The following IQCH variants were observed in gnomAD, a reference collection of about 807,000 sequenced individuals.
The protein encoded by IQCH is IQ domain-containing protein H.
In IQCH, 98 loss-of-function variants were observed where a neutral mutation model predicts 117.0. The ratio of observed to expected loss-of-function variants is 0.84; its 90% CI spans 0.71 to 0.99. The LOEUF (loss-of-function observed/expected upper bound fraction) is 0.99, where lower values mean the gene tolerates loss of function less well. Among genes scored for constraint, IQCH ranks in the 50% least tolerant of loss-of-function variants. IQCH has a pLI of 0.00. For synonymous variants in IQCH, 412 were observed against 448.2 expected (o/e 0.92, Z 1.02); for missense variants, 1,102 against 1,243.8 (o/e 0.89, Z 1.72).
At chr15:67,297,004 G>A (rs1966856255) in intron 4 of IQCH, among the ~76,000 whole-genome samples, 1 of 152,104 alleles carries the variant, frequency 6.6e-6, no homozygotes, top group Admixed American at 6.6e-5. Flanking sequence ...TGAGAAAACG[G>A]ATTGGCCACA....
At chr15:67,302,218 A>T (rs1302901550) in intron 4 of IQCH, among the ~76,000 whole-genome samples, 2 of 152,234 alleles carry the variant, frequency 1.3e-5, no homozygotes, top group African/African-American at 4.8e-5. Context: ...CACACATTTT[A>T]AAAACACCCT....
At chr15:67,371,536 GATAACAT>G (rs766475676) in intron 8 of IQCH, 1 of 1,519,670 alleles carries the variant, frequency 6.6e-7, no homozygotes, top group Non-Finnish European at 9.1e-7. Flanking sequence ...TGACAAAGGT[GATAACAT>G]ATAACATAAT....
chr15:67,372,853 C>G (rs544582518), intron 9 of IQCH, among the ~76,000 whole-genome samples, 191 bp downstream of exon 9: 1 of 152,008 alleles, frequency 6.6e-6, no homozygotes, highest in African/African-American at 2.4e-5. Flanking sequence ...CATAGTTTAG[C>G]CCTAATCAAG....
intron 4 of IQCH, among the ~76,000 whole-genome samples, chr15:67,292,072 A>G (rs1444095653): frequency 1.3e-5 from 2 of 152,064 alleles, no homozygotes; most frequent in African/African-American, 2.4e-5. Flanking sequence ...TAGTGCTCTT[A>G]TAAAAGAGGC....
chr15:67,359,875 A>T lies in IQCH; in HGVS notation c.743A>T (p.His248Leu), dbSNP rs531820211. 4 of 1,613,118 alleles carry T rather than the reference A, an allele frequency of 2.5e-6. No homozygotes were observed. The highest frequency in any genetic ancestry group is 2.5e-6 in the Non-Finnish European group (3 of 1,179,102). Residue 248 changes from histidine (H) to leucine (L), a missense_variant, in exon 8 of 21, where the codon CAT becomes CTT. This residue lies in a region of IQCH where 452 missense variants were observed against 449.6 expected (regional missense o/e 1.01). Coordinates refer to ENST00000335894, the MANE Select transcript of IQCH (RefSeq NM_001031715.3). The surrounding 1 kb of genome is among the most constrained non-coding windows in gnomAD (Gnocchi z 4.5). ...AAAAGCAGAAGGTCAAGAGGACATC[A>T]TGATAGGAAGGTCTGTAATTTGTGT... ...KGKSRRSRGH[H>L]DRKAMKVKTP...
At position 67,426,519 on chromosome 15, in the gene IQCH, G is replaced by T. The variant is rs2081893515; in HGVS notation, c.2505+4942G>T. 6.6e-6 allele frequency among the ~76,000 whole-genome samples: 1 copy of T among 150,518 alleles called. No homozygotes were observed. Among genetic ancestry groups the T allele is most frequent in the Non-Finnish European group, 1.5e-5 (1 of 67,812 alleles). On this transcript the variant is annotated intron_variant, in intron 16 of 20. Transcript: ENST00000335894. The surrounding 1 kb of genome is among the most constrained non-coding windows in gnomAD (Gnocchi z 5.1). ...GCATGTATCAAAATAGCACATGTAT[G>T]GCCAAAATATATATAACTATTACAT...
At chr15:67,371,748 C>T (rs947108246) in intron 8 of IQCH, among the ~76,000 whole-genome samples, 3 of 152,222 alleles carry the variant, frequency 2.0e-5, no homozygotes, top group Non-Finnish European at 2.9e-5. Flanking sequence ...GAATCAGCAA[C>T]ATGCTTCTCA....
chr15:67,308,681 G>A (rs1967431769), intron 4 of IQCH, among the ~76,000 whole-genome samples: 2 of 151,944 alleles, frequency 1.3e-5, no homozygotes, highest in African/African-American at 2.4e-5. Context: ...GGCAGTGAAG[G>A]TGGTGGTGGT....
At chr15:67,412,678 C>G (rs942899860) in intron 14 of IQCH, among the ~76,000 whole-genome samples, 13 of 152,134 alleles carry the variant, frequency 8.5e-5, no homozygotes, top group Non-Finnish European at 1.9e-4. Context: ...GGATTACAGG[C>G]ATGAGCCACC....
rs866055316 is a variant in IQCH, at chr15:67,381,409, G to T, written c.1373-3527G>T. Among the ~76,000 whole-genome samples, 1 of 152,176 alleles carries T rather than the reference G, an allele frequency of 6.6e-6. No individual in the cohort carries two copies. The highest frequency in any genetic ancestry group is 1.5e-5 in the Non-Finnish European group (1 of 68,028). On this transcript the variant is annotated intron_variant, in intron 10 of 20. Transcript: ENST00000335894. This position sits in a 1 kb window ranked among gnomAD's most constrained non-coding sequence, Gnocchi z 5.1. ...AATAATATTTCACAACTGCTTATTT[G>T]AGAAAAGACGGAACTCTCTATCAAA...
rs202103119 is a variant in IQCH at position 67,465,308 on chromosome 15, G to A, written c.2676+11G>A. On this transcript the variant is annotated intron_variant, in intron 17 of 20. Coordinates refer to ENST00000335894, the MANE Select transcript of IQCH (RefSeq NM_001031715.3). This position sits in a 1 kb window ranked among gnomAD's most constrained non-coding sequence, Gnocchi z 5.9. ...GCGCTGTCAATGCCGGTAAGCAAGA[G>A]GTGCTTCCTGAAGGTTCTCGGTGTT... 531 of 1,611,270 alleles carry A rather than the reference G, an allele frequency of 3.3e-4. 2 individuals carry two copies. The South Asian group carries it at 5.5e-3, about 17-fold the overall frequency.
At chr15:67,462,830 A>C (rs189299485) in intron 16 of IQCH, among the ~76,000 whole-genome samples, 2 of 152,328 alleles carry the variant, frequency 1.3e-5, no homozygotes, top group Admixed American at 1.3e-4. Context: ...TCACTTTCTC[A>C]TATTAAGGGA....
In IQCH at chr15:67,459,255, T is replaced by C. The variant is rs2082731736; in HGVS notation, c.2506-5872T>C. On this transcript the variant is annotated intron_variant, in intron 16 of 20. Coordinates refer to ENST00000335894, the MANE Select transcript of IQCH (RefSeq NM_001031715.3). The surrounding 1 kb of genome is among the most constrained non-coding windows in gnomAD (Gnocchi z 4.2). ...TTAGAGATGAGTCTGCAGAGCATCT[T>C]TGGATTCATAAAGCTCTGAAATCCT... 6.6e-6 allele frequency among the ~76,000 whole-genome samples: 1 copy of C among 152,206 alleles called. No homozygotes were observed. The highest frequency in any genetic ancestry group is 2.4e-5 in the African/African-American group (1 of 41,460).
intron 16 of IQCH, among the ~76,000 whole-genome samples, chr15:67,460,579 T>A (rs2082767585): frequency 6.6e-6 from 1 of 152,232 alleles, no homozygotes; most frequent in African/African-American, 2.4e-5. Flanking sequence ...GAGATAATTA[T>A]TTTTTGTATT....
chr15:67,284,160 A>T (rs1966471892), intron 4 of IQCH, among the ~76,000 whole-genome samples: 1 of 152,026 alleles, frequency 6.6e-6, no homozygotes, highest in Non-Finnish European at 1.5e-5. Context: ...TATTTTTTGT[A>T]CCCATTAACC....
chr15:67,265,641 G>A (rs1039256892), intron 3 of IQCH, among the ~76,000 whole-genome samples: 5 of 152,286 alleles, frequency 3.3e-5, no homozygotes, highest in Non-Finnish European at 4.4e-5. Context: ...AAGTCACAGC[G>A]TGTGACTCAG....
intron 8 of IQCH, among the ~76,000 whole-genome samples, chr15:67,368,950 A>T (rs2140777707): frequency 6.6e-6 from 1 of 152,200 alleles, no homozygotes; most frequent in East Asian, 1.9e-4. Context: ...CAGTGGTGTG[A>T]TTATAGCTCA....
At chr15:67,419,164 T>C (rs991877165) in intron 15 of IQCH, among the ~76,000 whole-genome samples, 1 of 152,200 alleles carries the variant, frequency 6.6e-6, no homozygotes, top group Non-Finnish European at 1.5e-5. Context: ...CCTTGTTAAC[T>C]TAATTTTCTT....
intron 6 of IQCH, among the ~76,000 whole-genome samples, chr15:67,344,395 T>C (rs1452937222): frequency 1.3e-5 from 2 of 152,196 alleles, no homozygotes; most frequent in East Asian, 3.8e-4. Context: ...CTTTGAGCAC[T>C]ATCAGTTTTC....
Sources: gnomAD v4.1 joint callset for allele counts (sites outside exome capture counted in the v4.1 genomes callset) on GRCh38, gnomAD v4.1.1 for gene constraint, gnomAD v4.1.1 regional missense constraint, Gnocchi (gnomAD v3.1) non-coding constraint, MANE v1.5 for transcripts, NCBI Gene and HGNC (gene_info 2026-07-23, HGNC 2026-07-21) for gene names.